Variants in GLIS3 observed in about 807,000 individuals in gnomAD.
GLIS3 encodes the protein GLIS family zinc finger 3, also known as zinc finger protein GLIS3.
Under a neutral mutation model 78.6 loss-of-function variants are expected in GLIS3, and 53 were observed. That is an observed-to-expected ratio of 0.67 (90% CI 0.54 to 0.85). The LOEUF (loss-of-function observed/expected upper bound fraction) is 0.85, where lower values mean the gene tolerates loss of function less well. Ranked by LOEUF, GLIS3 falls within the 40% of genes least tolerant of loss-of-function variation. The pLI, the probability that GLIS3 is intolerant of heterozygous loss-of-function variation, is 0.00. For missense variants in GLIS3, 1,703 were observed against 1,231.1 expected, an observed-to-expected ratio of 1.38 and a Z score of -5.74; for synonymous variants, 684 against 509.9, an observed-to-expected ratio of 1.34 and a Z score of -4.60.
chr9:4,152,099 T>C (rs1834730651), intron 2 of GLIS3: 5 of 977,176 alleles, frequency 5.1e-6, no homozygotes, highest in African/African-American at 1.8e-5. Context: ...AATATTTTTC[T>C]ACGGCCATTC....
intron 2 of GLIS3, among the ~76,000 whole-genome samples, chr9:4,200,637 T>C (rs1819296744): frequency 6.6e-6 from 1 of 151,642 alleles, no homozygotes; most frequent in South Asian, 2.1e-4. Context: ...CAGACCAATA[T>C]CGAGTTCCAA....
chr9:4,242,659 T>A (rs1587115567), intron 2 of GLIS3, among the ~76,000 whole-genome samples: 1 of 152,110 alleles, frequency 6.6e-6, no homozygotes, highest in Non-Finnish European at 1.5e-5. Flanking sequence ...GCATATCCAA[T>A]AAGAAGCCAC....
rs1196069665 is a variant in GLIS3 at position 3,886,822 on chromosome 9, TG to T, written c.2129-7228del. Among the ~76,000 whole-genome samples, 7 of 152,318 alleles carry T rather than the reference TG, an allele frequency of 4.6e-5. No individual in the cohort carries two copies. The East Asian group carries it at 1.4e-3, about 29-fold the overall frequency. On this transcript the variant is annotated intron_variant, in intron 7 of 10. Coordinates refer to ENST00000381971, the MANE Select transcript of GLIS3 (RefSeq NM_001042413.2). ...AGGAAAATGCCCTGTCAGGGTCACT[TG>T]GAAGGCTGCGTTTGGTATTGAGGTT...
At chr9:4,332,122 T>G (rs532462120) in intron 2 of GLIS3, among the ~76,000 whole-genome samples, 1 of 152,338 alleles carries the variant, frequency 6.6e-6, no homozygotes, top group East Asian at 1.9e-4. Context: ...CTAACTATTC[T>G]GGTTGAAGTT....
chr9:4,455,428 G>C, the GLIS3 span, among the ~76,000 whole-genome samples: 92 of 152,220 alleles, frequency 6.0e-4, 1 homozygote, highest in African/African-American at 1.9e-3. Flanking sequence ...GCAAGAAAAA[G>C]TTAGGCATCT....
intron 2 of GLIS3, among the ~76,000 whole-genome samples, chr9:4,144,229 C>CT (rs1834033925): frequency 6.7e-6 from 1 of 149,670 alleles, no homozygotes; most frequent in African/African-American, 2.6e-5. Context: ...GAATAGAGTC[C>CT]GAAAGAGATC....
rs757861246 is a variant in GLIS3 at position 3,989,747 on chromosome 9, G to A, written c.1711-52558C>T. On this transcript the variant is annotated intron_variant, in intron 4 of 10. Coordinates refer to ENST00000381971, the MANE Select transcript of GLIS3 (RefSeq NM_001042413.2). ...GGGATGGCATGTATAGGAAGTAGGT[G>A]GATGTATTTATTAAAGGGAAATAGG... Among the ~76,000 whole-genome samples the A allele has an allele frequency of 1.5e-4, 23 of 152,272 alleles. No individual in the cohort carries two copies. In the East Asian group the frequency reaches 2.9e-3, roughly 19 times the overall value.
At chr9:4,143,719 T>C (rs1454142433) in intron 2 of GLIS3, among the ~76,000 whole-genome samples, 1 of 152,154 alleles carries the variant, frequency 6.6e-6, no homozygotes, top group Non-Finnish European at 1.5e-5. Flanking sequence ...TTGACCAATA[T>C]CTCCCATTTT....
chr9:4,439,686 T>C, the GLIS3 span, among the ~76,000 whole-genome samples: 3 of 152,206 alleles, frequency 2.0e-5, no homozygotes, highest in Admixed American at 2.0e-4. Flanking sequence ...GTTTTTGTTC[T>C]TTTTGAGACA....
chr9:4,442,726 T>C, the GLIS3 span, among the ~76,000 whole-genome samples: 2 of 152,160 alleles, frequency 1.3e-5, no homozygotes, highest in African/African-American at 4.8e-5. Flanking sequence ...TATTAATCCA[T>C]TTCTTTTTTA....
intron 2 of GLIS3, among the ~76,000 whole-genome samples, chr9:4,340,674 C>T (rs1212103290): frequency 6.6e-6 from 1 of 152,068 alleles, no homozygotes; most frequent in African/African-American, 2.4e-5. Context: ...GAACCAGATC[C>T]CACCTGATTC....
intron 2 of GLIS3, among the ~76,000 whole-genome samples, chr9:4,243,199 T>G (rs1823481326): frequency 6.6e-6 from 1 of 152,186 alleles, no homozygotes; most frequent in Non-Finnish European, 1.5e-5. Context: ...TTAAGGGAGC[T>G]TAGCAAGCTC....
chr9:3,912,852 T>G (rs1824243935), intron 6 of GLIS3, among the ~76,000 whole-genome samples: 1 of 152,214 alleles, frequency 6.6e-6, no homozygotes, highest in South Asian at 2.1e-4. Context: ...CTTTGGGGCC[T>G]GGTTATGGAG....
At chr9:4,140,835 A>G (rs888790346) in intron 2 of GLIS3, among the ~76,000 whole-genome samples, 1 of 143,840 alleles carries the variant, frequency 7.0e-6, no homozygotes, top group Non-Finnish European at 1.5e-5. Context: ...TTTTGCTCTT[A>G]TTGCCCAGAT....
chr9:4,291,656 G>C (rs918351791), intron 1 of GLIS3, among the ~76,000 whole-genome samples: 2 of 152,056 alleles, frequency 1.3e-5, no homozygotes, highest in African/African-American at 4.8e-5. Context: ...TCCGATTCAG[G>C]AATTTACTCC....
intron 2 of GLIS3, among the ~76,000 whole-genome samples, chr9:4,235,647 T>C (rs1024639825): frequency 1.3e-5 from 2 of 152,140 alleles, no homozygotes; most frequent in South Asian, 4.1e-4. Context: ...CTTCTGTGAG[T>C]GTGAATGTAT....
chr9:4,115,038 A>T (rs1477794302), intron 4 of GLIS3, among the ~76,000 whole-genome samples: 1 of 152,134 alleles, frequency 6.6e-6, no homozygotes, highest in Non-Finnish European at 1.5e-5. Flanking sequence ...ATGAGGGAGG[A>T]TACCAGTGGC....
intron 2 of GLIS3, among the ~76,000 whole-genome samples, chr9:4,344,085 A>G (rs1817871646): frequency 6.6e-6 from 1 of 152,184 alleles, no homozygotes; most frequent in African/African-American, 2.4e-5. Flanking sequence ...AAGAAATATT[A>G]TAATAATAAA....
intron 2 of GLIS3, among the ~76,000 whole-genome samples, chr9:4,202,946 T>C (rs1188737966): frequency 6.6e-6 from 1 of 152,146 alleles, no homozygotes; most frequent in Non-Finnish European, 1.5e-5. Flanking sequence ...TCAAAGGCAA[T>C]TGCAACAAAA....
Sources: gnomAD v4.1 joint callset for allele counts (sites outside exome capture counted in the v4.1 genomes callset) on GRCh38, gnomAD v4.1.1 for gene constraint, MANE v1.5 for transcripts, NCBI Gene and HGNC (gene_info 2026-07-23, HGNC 2026-07-21) for gene names.